SLC4A5: variants seen among roughly 807,000 people sequenced by gnomAD.
The protein encoded by SLC4A5 is solute carrier family 4 member 5, also known as electrogenic sodium bicarbonate cotransporter 4.
In SLC4A5, 96 loss-of-function variants were observed where a neutral mutation model predicts 120.4. The ratio of observed to expected loss-of-function variants is 0.80; its 90% CI spans 0.68 to 0.94. SLC4A5 has a LOEUF of 0.94. SLC4A5 is among the 40% of genes least tolerant of loss of function. The probability of loss-of-function intolerance (pLI) is 0.00; values close to 1 mark genes in which losing one functional copy is unlikely to be tolerated. For synonymous variants in SLC4A5, 550 were observed against 571.1 expected (o/e 0.96, Z 0.53); for missense variants, 1,259 against 1,459.5 (o/e 0.86, Z 2.24).
chr2:74,285,100 C>A (rs1200029167), intron 8 of SLC4A5, among the ~76,000 whole-genome samples: 2 of 152,114 alleles, frequency 1.3e-5, no homozygotes, highest in Non-Finnish European at 2.9e-5. Flanking sequence ...AAATAATTAG[C>A]TGGATGCAGT....
At chr2:74,300,968 G>T (rs1359935032) in intron 7 of SLC4A5, among the ~76,000 whole-genome samples, 1 of 152,174 alleles carries the variant, frequency 6.6e-6, no homozygotes, top group African/African-American at 2.4e-5. Flanking sequence ...GTGGTTCAAG[G>T]AAGCATCAAA....
At chr2:74,297,609 C>A (rs1412818847) in intron 7 of SLC4A5, among the ~76,000 whole-genome samples, 1 of 152,154 alleles carries the variant, frequency 6.6e-6, no homozygotes, top group Non-Finnish European at 1.5e-5. Flanking sequence ...GCTTCTAATC[C>A]TCTTTCTCCT....
At chr2:74,314,871 G>A (rs535090636) in intron 6 of SLC4A5, 74 bp downstream of exon 6, 2 of 1,341,614 alleles carry the variant, frequency 1.5e-6, no homozygotes, top group Admixed American at 3.4e-5. Flanking sequence ...CCTGCTGAAA[G>A]AGCTGTCATA....
intron 5 of SLC4A5, among the ~76,000 whole-genome samples, chr2:74,326,878 C>A (rs1673229262): frequency 6.6e-6 from 1 of 152,096 alleles, no homozygotes; most frequent in Non-Finnish European, 1.5e-5. Flanking sequence ...CACAGGGGTC[C>A]TTGCCCAAGC....
At chr2:74,315,700 G>A (rs149841559) in intron 5 of SLC4A5, among the ~76,000 whole-genome samples, 78 of 151,602 alleles carry the variant, frequency 5.1e-4, no homozygotes, top group Non-Finnish European at 1.1e-3. Context: ...AGGCTGAGGC[G>A]GGAGAATCAT....
intron 7 of SLC4A5, among the ~76,000 whole-genome samples, chr2:74,296,718 C>T (rs551561541): frequency 7.1e-6 from 1 of 140,642 alleles, no homozygotes; most frequent in East Asian, 2.2e-4. Context: ...GAACCTGGAG[C>T]GGAGGTTGTA....
At position 74,316,003 on chromosome 2, in the gene SLC4A5, A is replaced by C. The variant is rs191266053; in HGVS notation, c.-2-978T>G. Among the ~76,000 whole-genome samples, 17 of 152,274 alleles carry C rather than the reference A, an allele frequency of 1.1e-4. No individual in the cohort carries two copies. In the East Asian group the frequency reaches 3.3e-3, roughly 29 times the overall value. Reference sequence around the variant, plus strand: ...TGCTTTGCATGTATGATTTAATTGAATCTTATCAACAATCCTATGACATAA... The same window carrying C: ...TGCTTTGCATGTATGATTTAATTGACTCTTATCAACAATCCTATGACATAA... On this transcript the variant is annotated intron_variant, in intron 5 of 30. Transcript: ENST00000394019.
chr2:74,224,878 T>G (rs778394945), exon 28 of SLC4A5: 3 of 1,613,710 alleles, frequency 1.9e-6, no homozygotes, highest in Non-Finnish European at 2.5e-6. Flanking sequence ...TTTTTTCTCT[T>G]CCTCTTCTTG....
At chr2:74,252,256 G>A (rs139474194) in exon 16 of SLC4A5, 38 of 1,606,488 alleles carry the variant, frequency 2.4e-5, no homozygotes, top group African/African-American at 5.3e-5. Flanking sequence ...TTGTTCCGCC[G>A]GCCCCGCCAC....
At chr2:74,217,625 G>A (rs1357936354) in exon 31 of SLC4A5, 1 of 152,106 alleles carries the variant, frequency 6.6e-6, no homozygotes, top group Non-Finnish European at 1.5e-5. Flanking sequence ...TAATTTAAAG[G>A]ATCATTTTGA....
chr2:74,269,307 A>G (rs1342084425), intron 8 of SLC4A5, among the ~76,000 whole-genome samples: 2 of 152,098 alleles, frequency 1.3e-5, no homozygotes, highest in Admixed American at 6.5e-5. Flanking sequence ...CCGTGGTTCA[A>G]GTGATCTCCT....
At chr2:74,341,304 C>CAA (rs757430815) in intron 2 of SLC4A5, among the ~76,000 whole-genome samples, 1,705 of 74,218 alleles carry the variant, frequency 0.023, 49 homozygotes, top group African/African-American at 0.041. Flanking sequence ...GACTCCATCT[C>CAA]AAAAAAAAAA....
chr2:74,227,151 C>G, intron 26 of SLC4A5, 21 bp from the exon 27 acceptor site: 1 of 1,583,634 alleles, frequency 6.3e-7, no homozygotes, highest in East Asian at 2.3e-5. Flanking sequence ...AGCGGGGGCT[C>G]AGCCAGGCAG....
At chr2:74,321,637 T>C (rs1485722098) in intron 5 of SLC4A5, among the ~76,000 whole-genome samples, 2 of 151,914 alleles carry the variant, frequency 1.3e-5, no homozygotes, top group African/African-American at 4.8e-5. Context: ...GAAAATAATA[T>C]TGAGTCTGTC....
In SLC4A5 at chr2:74,289,323, C is replaced by CTT. The variant is rs113336645; in HGVS notation, c.272-3423_272-3422dup. On this transcript the variant is annotated intron_variant, in intron 7 of 30. Transcript: ENST00000394019. ...TTTAAATTTCTCAATTTTTCTATTACTTTTTTTTTTTGAGACAGAGTCTCA... is the reference window on the plus strand; with the variant it reads ...TTTAAATTTCTCAATTTTTCTATTACTTTTTTTTTTTTTGAGACAGAGTCTCA... Among the ~76,000 whole-genome samples, 15 of 148,096 alleles carry CTT rather than the reference C, an allele frequency of 1.0e-4. 1 individual carries two copies. The highest frequency in any genetic ancestry group is 3.2e-4 in the African/African-American group (13 of 40,548).
chr2:74,231,485 G>A (rs927741778), intron 24 of SLC4A5, among the ~76,000 whole-genome samples, 177 bp from the exon 25 acceptor site: 17 of 152,194 alleles, frequency 1.1e-4, no homozygotes, highest in Non-Finnish European at 1.5e-5. Context: ...GGGAAGACAG[G>A]CGGCCCCTGA....
Position 74,315,035 on chromosome 2 carries a change from A to G in SLC4A5, c.-2-10T>C, listed in dbSNP as rs369389993. Reference sequence around the variant, plus strand: ...TCCTTCACCTTCATGACTATAAAGTAAAAGGAACACAGCCTCAAAATGTAT... The same window carrying G: ...TCCTTCACCTTCATGACTATAAAGTGAAAGGAACACAGCCTCAAAATGTAT... On this transcript the variant is annotated splice_polypyrimidine_tract_variant and intron_variant, in intron 5 of 30. Transcript: ENST00000394019. 68 of 1,609,016 alleles carry G rather than the reference A, an allele frequency of 4.2e-5. No individual in the cohort carries two copies. Among genetic ancestry groups the G allele is most frequent in the Non-Finnish European group, 5.4e-5 (64 of 1,175,486 alleles).
At chr2:74,221,992 C>T (rs1442852312) in intron 29 of SLC4A5, among the ~76,000 whole-genome samples, 1 of 152,148 alleles carries the variant, frequency 6.6e-6, no homozygotes, top group Non-Finnish European at 1.5e-5. Flanking sequence ...TATAATCTCC[C>T]AGGATTTCCA....
At chr2:74,259,527 A>G in intron 12 of SLC4A5, 61 bp downstream of exon 12, 3 of 1,574,638 alleles carry the variant, frequency 1.9e-6, no homozygotes, top group Non-Finnish European at 2.6e-6. Flanking sequence ...CCTGCTCCTG[A>G]AACCAAAGAC....
Sources: gnomAD v4.1 joint callset for allele counts (sites outside exome capture counted in the v4.1 genomes callset) on GRCh38, gnomAD v4.1.1 for gene constraint, MANE v1.5 for transcripts, NCBI Gene and HGNC (gene_info 2026-07-23, HGNC 2026-07-21) for gene names.